ADCK2: variants seen among roughly 807,000 people sequenced by gnomAD.
ADCK2 encodes the protein uncharacterized aarF domain-containing protein kinase 2.
In ADCK2, 37 loss-of-function variants were observed where a neutral mutation model predicts 52.3. That is an observed-to-expected ratio of 0.71 (90% CI 0.54 to 0.93). The LOEUF is 0.93. ADCK2 is among the 40% of genes least tolerant of loss of function. The probability of loss-of-function intolerance (pLI) is 0.00; values close to 1 mark genes in which losing one functional copy is unlikely to be tolerated. For synonymous variants in ADCK2, 321 were observed against 349.2 expected, an observed-to-expected ratio of 0.92 and a Z score of 0.90; for missense variants, 695 against 798.7, an observed-to-expected ratio of 0.87 and a Z score of 1.56.
At chr7:140,679,654 TTC>T in intron 3 of ADCK2, among the ~76,000 whole-genome samples, 3 of 146,350 alleles carry the variant, frequency 2.0e-5, no homozygotes. Context: ...TAGTTCAGCC[TTC>T]TCTCTCTTTT....
At position 140,673,685 on chromosome 7, in the gene ADCK2, C is replaced by A. The variant is rs1472841690; in HGVS notation, c.355C>A (p.Leu119Ile). The A allele has an allele frequency of 1.9e-6, 3 of 1,611,876 alleles. No individual in the cohort carries two copies. The highest frequency in any genetic ancestry group is 1.7e-5 in the Admixed American group (1 of 60,000). Residue 119 changes from leucine (L) to isoleucine (I), a missense_variant, in exon 1 of 8, where the codon CTC (leucine) becomes ATC (isoleucine). Physicochemically the swap from Leu to Ile is conservative, Grantham distance 5 (BLOSUM62 2). Transcript: ENST00000072869. This position sits in a 1 kb window ranked among gnomAD's most constrained non-coding sequence, Gnocchi z 6.4. ...CTTCCCCCTCCTACTCCTCTACCCC[C>A]TCACCTACCTGGCTCCCAGCGTCTC... ...KFFPLLLLYP[L>I]TYLAPSVSTL...
chr7:140,680,913 A>G, intron 3 of ADCK2, 129 bp from the exon 4 acceptor site: 2 of 762,550 alleles, frequency 2.6e-6, no homozygotes, highest in South Asian at 3.3e-5. Context: ...GATGGGTTCT[A>G]GGAAAGGAAA....
At position 140,674,231 on chromosome 7, in the gene ADCK2, G is replaced by A. The variant is rs773829719; in HGVS notation, c.901G>A (p.Glu301Lys). 4.3e-6 allele frequency: 7 copies of A among 1,613,632 alleles called. No individual in the cohort carries two copies. Among genetic ancestry groups the A allele is most frequent in the Non-Finnish European group, 5.9e-6 (7 of 1,179,822 alleles). ...SRAQVPGHQPEATNLISVAVK... is the reference protein window; with the variant it reads ...SRAQVPGHQPKATNLISVAVK... ...GGCTCAGGTCCCTGGCCACCAACCT[G>A]AGGCCACCAACCTCATCTCCGTGGC... Residue 301 changes from glutamate (E) to lysine (K), a missense_variant, in exon 1 of 8, where the codon GAG (glutamate) becomes AAG (lysine). Transcript: ENST00000072869. This position sits in a 1 kb window ranked among gnomAD's most constrained non-coding sequence, Gnocchi z 4.6.
intron 4 of ADCK2, among the ~76,000 whole-genome samples, chr7:140,684,915 G>A (rs1238947508): frequency 1.3e-5 from 2 of 152,106 alleles, no homozygotes; most frequent in East Asian, 3.9e-4. Flanking sequence ...TTTGTCCACA[G>A]GAACAGGGCT....
intron 5 of ADCK2, among the ~76,000 whole-genome samples, chr7:140,687,841 C>T (rs1219653009): frequency 6.8e-6 from 1 of 147,864 alleles, no homozygotes; most frequent in Non-Finnish European, 1.5e-5. Flanking sequence ...TTGCACTGCT[C>T]TACTGCAGCC....
chr7:140,683,061 G>A (rs540960811), intron 4 of ADCK2, among the ~76,000 whole-genome samples: 1 of 150,264 alleles, frequency 6.7e-6, no homozygotes, highest in African/African-American at 2.4e-5. Flanking sequence ...CCAGCACTTT[G>A]GGAGGCCGAG....
chr7:140,691,620 G>A (rs1001696834), intron 7 of ADCK2, among the ~76,000 whole-genome samples: 2 of 152,172 alleles, frequency 1.3e-5, no homozygotes, highest in Non-Finnish European at 2.9e-5. Flanking sequence ...CGGCTCTGTC[G>A]CCTTGTCATG....
chr7:140,684,197 T>A (rs1049615572), intron 4 of ADCK2, among the ~76,000 whole-genome samples: 12 of 152,256 alleles, frequency 7.9e-5, no homozygotes, highest in African/African-American at 2.9e-4. Flanking sequence ...GCTTCCAGTT[T>A]ACTAGCTCAG....
chr7:140,690,351 C>T (rs551110823), intron 6 of ADCK2, among the ~76,000 whole-genome samples: 1 of 152,198 alleles, frequency 6.6e-6, no homozygotes, highest in East Asian at 1.9e-4. Flanking sequence ...TACAGGCACC[C>T]GCCACCACAC....
chr7:140,673,958 T>A lies in ADCK2; in HGVS notation c.628T>A (p.Cys210Ser). 1.9e-6 allele frequency: 3 copies of A among 1,614,040 alleles called. No homozygotes were observed. Among genetic ancestry groups the A allele is most frequent in the Non-Finnish European group, 2.5e-6 (3 of 1,180,040 alleles). ...GAACCGGGAACCTGTGGGCTCAGGC[T>A]GCGTGGCCCAGGTGTACAAAGCATA... ...FENREPVGSG[C>S]VAQVYKAYAN... is the part of the protein sequence containing the mutation. The change falls in exon 1 of 8, where the codon TGC (cysteine) becomes AGC (serine). Residue 210 changes from cysteine to serine, a missense_variant. Transcript: ENST00000072869. This position sits in a 1 kb window ranked among gnomAD's most constrained non-coding sequence, Gnocchi z 6.4.
chr7:140,679,119 G>C (rs1794471769), intron 2 of ADCK2, 36 bp from the exon 3 acceptor site: 1 of 1,611,412 alleles, frequency 6.2e-7, no homozygotes, highest in Middle Eastern at 1.7e-4. Context: ...CCTGTACCCA[G>C]ACTAGCCCTC....
rs987464606 is a variant in ADCK2 at position 140,674,769 on chromosome 7, T to A, written c.1080+12T>A. On this transcript the variant is annotated intron_variant, in intron 2 of 7. Coordinates refer to ENST00000072869, the MANE Select transcript of ADCK2 (RefSeq NM_052853.4). The surrounding 1 kb of genome is among the most constrained non-coding windows in gnomAD (Gnocchi z 4.6). Reference sequence around the variant, plus strand: ...TGATGGTCCAACAGGTGAGTTCTCCTCCCCTCAGCTGTAAATAGCACCTAA... The same window carrying A: ...TGATGGTCCAACAGGTGAGTTCTCCACCCCTCAGCTGTAAATAGCACCTAA... The A allele has an allele frequency of 1.2e-6, 2 of 1,612,366 alleles. No homozygotes were observed. The highest frequency in any genetic ancestry group is 3.3e-5 in the Admixed American group (2 of 59,876).
chr7:140,679,684 TTTTTTTG>T (rs1794483833), intron 3 of ADCK2, among the ~76,000 whole-genome samples: 2 of 141,646 alleles, frequency 1.4e-5, no homozygotes, highest in African/African-American at 5.4e-5. Context: ...TTTTTTTTTT[TTTTTTTG>T]AGATAGAGTC....
At chr7:140,682,334 G>A (rs1197423064) in intron 4 of ADCK2, among the ~76,000 whole-genome samples, 3 of 152,190 alleles carry the variant, frequency 2.0e-5, no homozygotes, top group Admixed American at 1.3e-4. Flanking sequence ...AGGACAGGTG[G>A]CAGGGAGTTG....
At chr7:140,694,099 T>C (rs763832618) in intron 7 of ADCK2, among the ~76,000 whole-genome samples, 6 of 152,122 alleles carry the variant, frequency 3.9e-5, no homozygotes, top group Non-Finnish European at 5.9e-5. Flanking sequence ...GGTGGGAGGA[T>C]TGCTTGGGGC....
At position 140,673,968 on chromosome 7, in the gene ADCK2, A is replaced by G. The variant is rs367804517; in HGVS notation, c.638A>G (p.Gln213Arg). The change falls in exon 1 of 8, where the codon CAG becomes CGG. Residue 213 changes from glutamine (Q) to arginine (R), a missense_variant. Gln to Arg is a conservative substitution (Grantham distance 43). Transcript: ENST00000072869. The surrounding 1 kb of genome is among the most constrained non-coding windows in gnomAD (Gnocchi z 6.4). Reference protein sequence around the residue: ...REPVGSGCVAQVYKAYANTAF... With the variant: ...REPVGSGCVARVYKAYANTAF... ...CCTGTGGGCTCAGGCTGCGTGGCCC[A>G]GGTGTACAAAGCATACGCCAACACT... 34 of 1,613,940 alleles carry G rather than the reference A, an allele frequency of 2.1e-5. No individual in the cohort carries two copies. The highest frequency in any genetic ancestry group is 2.7e-5 in the African/African-American group (2 of 74,934).
chr7:140,680,523 C>G lies in ADCK2; in HGVS notation c.1210-519C>G, dbSNP rs146009145. On this transcript the variant is annotated intron_variant, in intron 3 of 7. Transcript: ENST00000072869. ...CAGACCCCTATTGGCTGATTCTTGC[C>G]CAGAAACCAGCTCTCTGGTGCCCAC... Among the ~76,000 whole-genome samples the G allele has an allele frequency of 3.3e-5, 5 of 151,832 alleles. No homozygotes were observed. In the East Asian group the frequency reaches 9.7e-4, roughly 29 times the overall value.
chr7:140,689,767 C>G (rs1794673513), intron 6 of ADCK2, 42 bp downstream of exon 6: 5 of 1,567,338 alleles, frequency 3.2e-6, no homozygotes, highest in Non-Finnish European at 3.5e-6. Context: ...GGAGTCCATA[C>G]CTGGCCTGGG....
chr7:140,673,540 C>T lies in ADCK2; in HGVS notation c.210C>T (p.Val70=), dbSNP rs764063490. The change falls in exon 1 of 8, where the codon GTC becomes GTT. Residue 70 remains valine (V), a synonymous_variant. Transcript: ENST00000072869. The surrounding 1 kb of genome is among the most constrained non-coding windows in gnomAD (Gnocchi z 6.4). ...CTGACGTTCTGAGTCGGCGAAGGGT[C>T]CGCTGCAGCGGGGCGGCTGGCGCGG... The part of the protein sequence containing the change: ...GAPDVLSRRR[V]RCSGAAGAGP... The T allele has an allele frequency of 1.9e-6, 3 of 1,600,580 alleles. No individual in the cohort carries two copies. The highest frequency in any genetic ancestry group is 2.5e-6 in the Non-Finnish European group (3 of 1,177,010).
Sources: allele counts gnomAD v4.1 joint callset (sites outside exome capture counted in the v4.1 genomes callset), GRCh38; gene constraint gnomAD v4.1.1; non-coding constraint Gnocchi (gnomAD v3.1); transcripts MANE v1.5; gene names NCBI Gene and HGNC (gene_info 2026-07-23, HGNC 2026-07-21).